POU6F2: variants seen among roughly 807,000 people sequenced by gnomAD.
POU6F2 encodes POU class 6 homeobox 2.
Under a neutral mutation model 71.3 loss-of-function variants are expected in POU6F2, and 31 were observed. The ratio of observed to expected loss-of-function variants is 0.43; its 90% CI spans 0.33 to 0.59. The LOEUF (loss-of-function observed/expected upper bound fraction) is 0.59. Ranked by LOEUF, POU6F2 falls within the 20% of genes least tolerant of loss-of-function variation. POU6F2 has a pLI of 0.04. For synonymous variants in POU6F2, 347 were observed against 355.7 expected, an observed-to-expected ratio of 0.98 and a Z score of 0.27; for missense variants, 783 against 856.8, an observed-to-expected ratio of 0.91 and a Z score of 1.07.
chr7:39,284,533 A>G (rs1264463087), intron 4 of POU6F2, among the ~76,000 whole-genome samples: 1 of 152,262 alleles, frequency 6.6e-6, no homozygotes, highest in Non-Finnish European at 1.5e-5. Flanking sequence ...TGAATTGTTC[A>G]TAAATATACT....
intron 1 of POU6F2, among the ~76,000 whole-genome samples, chr7:39,082,310 T>C (rs2128720154): frequency 6.6e-6 from 1 of 152,364 alleles, no homozygotes; most frequent in Non-Finnish European, 1.5e-5. Context: ...CATGCAATAC[T>C]GTTCCATGGT....
At chr7:39,040,086 A>G (rs372740410) in intron 1 of POU6F2, among the ~76,000 whole-genome samples, 19 of 29,222 alleles carry the variant, frequency 6.5e-4, no homozygotes, top group South Asian at 1.6e-3. Flanking sequence ...ATACATATAT[A>G]TGTATTATAT....
chr7:39,057,482 G>T (rs1790555894), intron 1 of POU6F2, among the ~76,000 whole-genome samples: 1 of 151,864 alleles, frequency 6.6e-6, no homozygotes, highest in East Asian at 1.9e-4. Flanking sequence ...ATTTGCAAAG[G>T]ATGTTAAATC....
At chr7:39,204,876 T>A (rs1793977915) in intron 3 of POU6F2, among the ~76,000 whole-genome samples, 1 of 151,558 alleles carries the variant, frequency 6.6e-6, no homozygotes, top group Non-Finnish European at 1.5e-5. Flanking sequence ...TATGGAGATG[T>A]AGAACACAAT....
At chr7:39,457,809 A>C (rs1226359641) in intron 8 of POU6F2, among the ~76,000 whole-genome samples, 2 of 152,044 alleles carry the variant, frequency 1.3e-5, no homozygotes, top group African/African-American at 4.8e-5. Flanking sequence ...TTTCAGTTTC[A>C]AACCTCCATG....
At chr7:39,010,178 T>A (rs1789226728) in intron 1 of POU6F2, among the ~76,000 whole-genome samples, 1 of 137,822 alleles carries the variant, frequency 7.3e-6, no homozygotes, top group African/African-American at 2.6e-5. Context: ...TGGTAAGCTA[T>A]TGATTATTGC....
intron 5 of POU6F2, among the ~76,000 whole-genome samples, chr7:39,354,918 T>C (rs1446817095): frequency 1.3e-5 from 2 of 152,224 alleles, no homozygotes; most frequent in Non-Finnish European, 2.9e-5. Context: ...TCAGTTGCCT[T>C]TGGAGCAGTA....
chr7:39,377,957 C>T (rs1786743515), intron 5 of POU6F2, among the ~76,000 whole-genome samples: 1 of 152,134 alleles, frequency 6.6e-6, no homozygotes, highest in Admixed American at 6.5e-5. Context: ...TTTCCTTCTC[C>T]CTCTTGCTTG....
intron 4 of POU6F2, among the ~76,000 whole-genome samples, chr7:39,246,328 A>G (rs998508409): frequency 2.0e-5 from 3 of 152,198 alleles, no homozygotes; most frequent in Non-Finnish European, 4.4e-5. Flanking sequence ...AAAGATGTGC[A>G]CAGACAGCAC....
intron 5 of POU6F2, among the ~76,000 whole-genome samples, chr7:39,376,291 A>G (rs1035623397): frequency 1.6e-4 from 24 of 152,248 alleles, no homozygotes; most frequent in Admixed American, 1.6e-3. Flanking sequence ...ACTTAAGGAC[A>G]GCAAAGGAGA....
At chr7:39,255,473 T>C (rs888753965) in intron 4 of POU6F2, among the ~76,000 whole-genome samples, 12 of 152,216 alleles carry the variant, frequency 7.9e-5, no homozygotes, top group African/African-American at 2.9e-4. Flanking sequence ...TCTTTGTGTG[T>C]CTGGTGTCAC....
intron 1 of POU6F2, among the ~76,000 whole-genome samples, chr7:38,980,433 G>A (rs2116583760): frequency 6.6e-6 from 1 of 152,234 alleles, no homozygotes; most frequent in Middle Eastern, 3.4e-3. Context: ...AAGAAAGGTG[G>A]TATACATATT....
At chr7:39,419,801 C>G (rs1465279850) in intron 6 of POU6F2, among the ~76,000 whole-genome samples, 2 of 152,168 alleles carry the variant, frequency 1.3e-5, no homozygotes, top group Non-Finnish European at 2.9e-5. Context: ...GAGTCAGCTG[C>G]CCACACATTA....
intron 6 of POU6F2, among the ~76,000 whole-genome samples, chr7:39,415,807 A>C (rs1015149995): frequency 2.6e-5 from 4 of 152,216 alleles, no homozygotes; most frequent in African/African-American, 7.2e-5. Flanking sequence ...AGAGCAGTTC[A>C]TGGTAGGTTT....
intron 2 of POU6F2, among the ~76,000 whole-genome samples, chr7:39,188,084 C>T (rs180906393): frequency 5.8e-4 from 88 of 152,264 alleles, no homozygotes; most frequent in African/African-American, 2.1e-3. Flanking sequence ...TGACAGCCAA[C>T]ATTTGTTGAG....
intron 4 of POU6F2, among the ~76,000 whole-genome samples, chr7:39,224,702 A>G (rs1562753688): frequency 2.0e-5 from 3 of 152,224 alleles, no homozygotes; most frequent in Admixed American, 6.5e-5. Context: ...CACTGCTACT[A>G]GAAGAAAAAC....
In POU6F2 at chr7:39,339,670, G is replaced by GCAGCTC. The variant is rs761391039; in HGVS notation, c.644_649dup (p.Leu215_Gln216dup). 3.3e-5 allele frequency: 53 copies of GCAGCTC among 1,600,560 alleles called. 1 individual carries two copies. Among genetic ancestry groups the GCAGCTC allele is most frequent in the African/African-American group, 2.1e-4 (16 of 74,938 alleles). On this transcript the variant is annotated inframe_insertion, in exon 5 of 10. Transcript: ENST00000518318. ...CCTCATCCCTGAACTCCCAGCTCCA[G>GCAGCTC]CAGCTCCAGCTCCAGCTCCAGCAGC... is the stretch of plus-strand genomic sequence containing the variant.
chr7:39,184,910 G>A (rs1793502394), intron 2 of POU6F2, among the ~76,000 whole-genome samples: 5 of 152,062 alleles, frequency 3.3e-5, no homozygotes, highest in Admixed American at 3.3e-4. Context: ...ACATAGGAAA[G>A]GTGGAAAAAA....
At chr7:39,276,260 T>C (rs575429513) in intron 4 of POU6F2, among the ~76,000 whole-genome samples, 24 of 152,178 alleles carry the variant, frequency 1.6e-4, no homozygotes, top group African/African-American at 5.5e-4. Context: ...CAGACACTTC[T>C]CAAAAGAAGA....
Sources: allele counts gnomAD v4.1 joint callset (sites outside exome capture counted in the v4.1 genomes callset), GRCh38; gene constraint gnomAD v4.1.1; transcripts MANE v1.5; gene names NCBI Gene and HGNC (gene_info 2026-07-23, HGNC 2026-07-21).